The following ZNF420 variants were observed in gnomAD, a reference collection of about 807,000 sequenced individuals.
ZNF420 encodes ATM and p53-associated KZNF protein.
ZNF420 carries 31 observed loss-of-function variants against 44.7 expected under a neutral mutation model. The ratio of observed to expected loss-of-function variants is 0.69; its 90% confidence interval spans 0.52 to 0.94. The LOEUF is 0.94. ZNF420 is among the 40% of genes least tolerant of loss of function. ZNF420 has a pLI of 0.00. For missense variants in ZNF420, 681 were observed against 827.9 expected, an observed-to-expected ratio of 0.82 and a Z score of 2.18; for synonymous variants, 245 against 267.4, an observed-to-expected ratio of 0.92 and a Z score of 0.82.
intron 2 of ZNF420, among the ~76,000 whole-genome samples, chr19:37,087,431 T>G (rs1968880285): frequency 6.6e-6 from 1 of 152,124 alleles, no homozygotes; most frequent in Non-Finnish European, 1.5e-5. Context: ...ACTTTTCATC[T>G]TATCTGAATT....
intron 2 of ZNF420, among the ~76,000 whole-genome samples, chr19:37,087,451 T>C (rs576326809): frequency 6.6e-6 from 1 of 152,098 alleles, no homozygotes; most frequent in South Asian, 2.1e-4. Context: ...TATTTTTAGG[T>C]TGTTAGGATG....
chr19:37,104,208 A>G (rs912621453), intron 4 of ZNF420, among the ~76,000 whole-genome samples: 4 of 139,746 alleles, frequency 2.9e-5, no homozygotes, highest in Admixed American at 1.7e-4. Flanking sequence ...TCATTGTTCA[A>G]TTCCCACCTA....
In ZNF420 at chr19:37,129,790, G is replaced by A. The variant is rs1330706991; in HGVS notation, c.*732G>A. 9 of 356,774 alleles carry A rather than the reference G, an allele frequency of 2.5e-5. 1 individual carries two copies. The highest frequency in any genetic ancestry group is 2.2e-4 in the South Asian group (5 of 22,408). 22.1% of individuals were successfully genotyped at this position (356,774 alleles called of 1,614,324 possible). On this transcript the variant is annotated 3_prime_UTR_variant, in exon 5 of 5. Transcript: ENST00000337995. ...GTGGATGTAATCAGTGTATTATTGA[G>A]CACAGCTGTTAGAGAAGTGGGACAA... is the stretch of plus-strand genomic sequence containing the variant.
chr19:37,084,051 A>C (rs117608697), intron 2 of ZNF420, among the ~76,000 whole-genome samples: 3,536 of 152,286 alleles, frequency 0.023, 68 homozygotes, highest in Middle Eastern at 0.058. Flanking sequence ...TCTCACTGAT[A>C]TATGTGTGTG....
chr19:37,042,963 G>A (rs935836717), intron 1 of ZNF420, among the ~76,000 whole-genome samples: 1 of 151,432 alleles, frequency 6.6e-6, no homozygotes. Flanking sequence ...AGAGAGCCAA[G>A]GAGAGAGAGA....
chr19:37,060,838 G>A (rs36096221), intron 1 of ZNF420, among the ~76,000 whole-genome samples: 76,204 of 151,648 alleles, frequency 0.5, 19,775 homozygotes, highest in African/African-American at 0.58. Flanking sequence ...CTCCGGGGTG[G>A]ACTGCCTCCC....
chr19:37,047,570 G>C (rs1437532699), intron 1 of ZNF420, among the ~76,000 whole-genome samples: 2 of 152,194 alleles, frequency 1.3e-5, no homozygotes, highest in Non-Finnish European at 2.9e-5. Flanking sequence ...CTAAGGCATA[G>C]TGCCTCGTCA....
chr19:37,053,499 C>T (rs1444221848), intron 1 of ZNF420, among the ~76,000 whole-genome samples: 1 of 152,090 alleles, frequency 6.6e-6, no homozygotes, highest in Non-Finnish European at 1.5e-5. Flanking sequence ...TTTTATCTAC[C>T]TTTGGTCTTT....
At chr19:37,116,291 T>C (rs1427121464) in intron 4 of ZNF420, among the ~76,000 whole-genome samples, 3 of 142,460 alleles carry the variant, frequency 2.1e-5, no homozygotes, top group Non-Finnish European at 3.0e-5. Context: ...ATTGCTTGAA[T>C]CCAGGAGGTG....
intron 1 of ZNF420, among the ~76,000 whole-genome samples, chr19:37,026,453 G>A (rs1289888784): frequency 6.6e-6 from 1 of 152,100 alleles, no homozygotes; most frequent in Non-Finnish European, 1.5e-5. Flanking sequence ...CCAAGTAGCT[G>A]GGATTACAGG....
At chr19:37,081,551 G>T (rs1379712844) in intron 2 of ZNF420, among the ~76,000 whole-genome samples, 2 of 149,938 alleles carry the variant, frequency 1.3e-5, no homozygotes, top group African/African-American at 4.9e-5. Context: ...ACCCAGGCTG[G>T]AGTGCAGTGG....
At chr19:37,090,731 C>T (rs1247962612) in intron 3 of ZNF420, among the ~76,000 whole-genome samples, 1 of 151,842 alleles carries the variant, frequency 6.6e-6, no homozygotes, top group Non-Finnish European at 1.5e-5. Flanking sequence ...ACTAGCCTGG[C>T]CAAGATGATG....
chr19:37,011,841 CT>C (rs2074571677), intron 1 of ZNF420, among the ~76,000 whole-genome samples: 1 of 152,208 alleles, frequency 6.6e-6, no homozygotes, highest in Admixed American at 6.5e-5. Flanking sequence ...GGACTCGCCC[CT>C]GTTCCTGTTT....
At chr19:37,108,383 G>A (rs1025044446) in intron 4 of ZNF420, 3 of 152,198 alleles carry the variant, frequency 2.0e-5, no homozygotes, top group African/African-American at 7.2e-5. Flanking sequence ...GCAGAATACG[G>A]TGCTGCCAAT....
chr19:37,108,243 G>A (rs918491271), intron 4 of ZNF420: 2 of 152,166 alleles, frequency 1.3e-5, no homozygotes, highest in Non-Finnish European at 2.9e-5. Flanking sequence ...TGCAATTAAA[G>A]TAAAAATGAA....
At chr19:37,089,215 C>G in intron 3 of ZNF420, 88 bp downstream of exon 3, 1 of 1,133,354 alleles carries the variant, frequency 8.8e-7, no homozygotes, top group Non-Finnish European at 1.3e-6. Flanking sequence ...AACTTCATTC[C>G]TAACTGACCT....
At position 37,129,078 on chromosome 19, in the gene ZNF420, T is replaced by G. The variant is rs540897478; in HGVS notation, c.*20T>G. ...ATGTGAATTGTCTGATTATTTGAGA[T>G]CACTATGAAGAGGTTCTCTGGTTGT... On this transcript the variant is annotated 3_prime_UTR_variant, in exon 5 of 5. Coordinates refer to ENST00000337995, the MANE Select transcript of ZNF420 (RefSeq NM_144689.5). 3 of 1,598,624 alleles carry G rather than the reference T, an allele frequency of 1.9e-6. No homozygotes were observed. Among genetic ancestry groups the G allele is most frequent in the East Asian group, 2.2e-5 (1 of 44,616 alleles).
Position 37,064,966 on chromosome 19 carries a change from G to C in ZNF420, c.-124-15379G>C, listed in dbSNP as rs191988121. 2.6e-4 allele frequency among the ~76,000 whole-genome samples: 40 copies of C among 152,278 alleles called. No individual in the cohort carries two copies. In the East Asian group the frequency reaches 7.1e-3, roughly 27 times the overall value. ...ACAATCGTAGAGGCTGCGAAGGCCC[G>C]AGCTCTGGGAGCCCATGCTATTTAT... On this transcript the variant is annotated intron_variant, in intron 1 of 4. Transcript: ENST00000587029.
At chr19:37,112,860 T>C (rs1970453793) in intron 4 of ZNF420, among the ~76,000 whole-genome samples, 2 of 152,320 alleles carry the variant, frequency 1.3e-5, no homozygotes, top group East Asian at 1.9e-4. Context: ...AGATTAGTCC[T>C]ACAGTCCCCT....
Sources: allele counts gnomAD v4.1 joint callset (sites outside exome capture counted in the v4.1 genomes callset), GRCh38; gene constraint gnomAD v4.1.1; transcripts MANE v1.5; gene names NCBI Gene and HGNC (gene_info 2026-07-23, HGNC 2026-07-21).